AMPH: variants seen among roughly 807,000 people sequenced by gnomAD.
The protein encoded by AMPH is amphiphysin.
A neutral mutation model predicts 99.1 loss-of-function variants in AMPH; 49 were observed. That is an observed-to-expected ratio of 0.49 (90% CI 0.39 to 0.63). The LOEUF (loss-of-function observed/expected upper bound fraction) is 0.63, where lower values mean the gene tolerates loss of function less well. Ranked by LOEUF, AMPH falls within the 20% of genes least tolerant of loss-of-function variation. The pLI, the probability that AMPH is intolerant of heterozygous loss-of-function variation, is 0.00. For synonymous variants in AMPH, 314 were observed against 317.3 expected (o/e 0.99, Z 0.11); for missense variants, 759 against 863.4 (o/e 0.88, Z 1.52).
intron 7 of AMPH, among the ~76,000 whole-genome samples, chr7:38,473,789 T>C (rs1787982864): frequency 6.7e-6 from 1 of 149,032 alleles, no homozygotes; most frequent in Admixed American, 6.6e-5. Flanking sequence ...ATATCTGTAT[T>C]TTTTAAAAAA....
intron 17 of AMPH, among the ~76,000 whole-genome samples, chr7:38,406,848 G>T (rs2128982602): frequency 6.9e-6 from 1 of 144,446 alleles, no homozygotes; most frequent in Admixed American, 7.0e-5. Flanking sequence ...GTGGCCTCTT[G>T]GGGGTTCTCA....
intron 7 of AMPH, among the ~76,000 whole-genome samples, chr7:38,469,541 T>C (rs1416082915): frequency 2.6e-5 from 4 of 152,184 alleles, no homozygotes; most frequent in African/African-American, 7.2e-5. Context: ...CTTCACTTAC[T>C]ATGGAGATGG....
intron 11 of AMPH, among the ~76,000 whole-genome samples, chr7:38,444,955 T>TA (rs1397618837): frequency 6.7e-6 from 1 of 148,456 alleles, no homozygotes; most frequent in East Asian, 2.1e-4. Context: ...GATCAATGGA[T>TA]AATCACATGG....
In AMPH at chr7:38,426,822, G is replaced by A. The variant is rs149626741; in HGVS notation, c.1215+132C>T. 2.8e-4 allele frequency: 201 copies of A among 714,148 alleles called. No individual in the cohort carries two copies. In the African/African-American group the frequency reaches 3.2e-3, roughly 12 times the overall value. The allele number at this position is 714,148 out of a possible 1,614,324, so 44.2% of individuals were successfully genotyped here. A position where few individuals can be genotyped will look rare whatever the true frequency, so the allele number is the denominator to read the frequency against. On this transcript the variant is annotated intron_variant, in intron 15 of 20. Transcript: ENST00000356264. Reference sequence around the variant, plus strand: ...TCTGTTTCCATTACTCAGTCTGTAAGTAGTGGGGTCCAATTTTGTGCTGAT... The same window carrying A: ...TCTGTTTCCATTACTCAGTCTGTAAATAGTGGGGTCCAATTTTGTGCTGAT...
intron 2 of AMPH, among the ~76,000 whole-genome samples, chr7:38,534,085 T>A (rs973764502): frequency 6.6e-6 from 1 of 152,204 alleles, no homozygotes; most frequent in Admixed American, 6.5e-5. Flanking sequence ...GACTTTTTTT[T>A]CTGAATTACA....
intron 7 of AMPH, among the ~76,000 whole-genome samples, chr7:38,469,141 G>A (rs1272226825): frequency 2.2e-5 from 1 of 46,384 alleles, no homozygotes; most frequent in Non-Finnish European, 3.3e-5. Context: ...GCGACAGAGC[G>A]AGACTCCGCC....
chr7:38,406,540 C>G (rs112010486), intron 17 of AMPH, among the ~76,000 whole-genome samples: 46 of 152,106 alleles, frequency 3.0e-4, no homozygotes, highest in African/African-American at 1.0e-3. Flanking sequence ...AGTATTGTTT[C>G]TAGGTGTGTC....
At chr7:38,499,762 G>A (rs1464554949) in intron 3 of AMPH, among the ~76,000 whole-genome samples, 1 of 152,166 alleles carries the variant, frequency 6.6e-6, no homozygotes, top group African/African-American at 2.4e-5. Flanking sequence ...ATCTTGAACT[G>A]TAATAATCTC....
rs147290588 is a variant in AMPH at position 38,560,943 on chromosome 7, C to T, written c.70-25932G>A. Among the ~76,000 whole-genome samples the T allele has an allele frequency of 1.1e-3, 172 of 152,334 alleles. 4 individuals carry two copies. In the East Asian group the frequency reaches 0.03, roughly 26 times the overall value. On this transcript the variant is annotated intron_variant, in intron 1 of 20. Coordinates refer to ENST00000356264, the MANE Select transcript of AMPH (RefSeq NM_001635.4). ...GCTAAATGATATGTTATATTTATTA[C>T]TTGTTCTCTCAAACTTGGGCTATCA...
At chr7:38,499,863 G>A (rs940082210) in intron 3 of AMPH, among the ~76,000 whole-genome samples, 3 of 152,164 alleles carry the variant, frequency 2.0e-5, no homozygotes, top group African/African-American at 7.2e-5. Flanking sequence ...TAAGTCTCAT[G>A]AGATCTGATG....
intron 11 of AMPH, among the ~76,000 whole-genome samples, chr7:38,446,315 C>T (rs1002977672): frequency 1.3e-4 from 20 of 152,090 alleles, no homozygotes; most frequent in Non-Finnish European, 1.3e-4. Flanking sequence ...CCTAGGTATT[C>T]GCCCAAGAGA....
chr7:38,402,048 C>T (rs562650170), intron 17 of AMPH, among the ~76,000 whole-genome samples: 1 of 152,230 alleles, frequency 6.6e-6, no homozygotes, highest in Admixed American at 6.5e-5. Context: ...TAAATCGATT[C>T]TCTATAGTGT....
intron 1 of AMPH, among the ~76,000 whole-genome samples, chr7:38,536,128 G>A (rs766788919): frequency 5.3e-5 from 8 of 152,212 alleles, no homozygotes; most frequent in Non-Finnish European, 1.0e-4. Context: ...ATATTTTAGC[G>A]GAATAGACAA....
intron 13 of AMPH, among the ~76,000 whole-genome samples, chr7:38,431,852 T>G (rs1019639118): frequency 1.2e-4 from 18 of 152,154 alleles, no homozygotes; most frequent in African/African-American, 4.3e-4. Flanking sequence ...ATTCACACTT[T>G]CCTTGTCTTC....
Position 38,463,051 on chromosome 7 carries a change from G to A in AMPH, c.812C>T (p.Pro271Leu), listed in dbSNP as rs540619394. 11 of 1,611,852 alleles carry A rather than the reference G, an allele frequency of 6.8e-6. No homozygotes were observed. Among genetic ancestry groups the A allele is most frequent in the African/African-American group, 2.7e-5 (2 of 74,860 alleles). ...PSPPEEPSPLPSPTASPNHTL... is the reference protein window; with the variant it reads ...PSPPEEPSPLLSPTASPNHTL... ...ATGATTTGGACTTGCTGTCGGGCTCGGGAGGGGTGAAGGCTCCTCAGGCGG... is the reference window on the plus strand; with the variant it reads ...ATGATTTGGACTTGCTGTCGGGCTCAGGAGGGGTGAAGGCTCCTCAGGCGG... The change falls in exon 10 of 21, where the codon CCG (proline) becomes CTG (leucine). Residue 271 changes from proline (P) to leucine (L), a missense_variant. By Grantham distance (98) the Pro-to-Leu change is moderately conservative. Coordinates refer to ENST00000356264, the MANE Select transcript of AMPH (RefSeq NM_001635.4).
intron 11 of AMPH, among the ~76,000 whole-genome samples, 175 bp downstream of exon 11, chr7:38,461,108 C>T (rs992731578): frequency 1.3e-5 from 2 of 151,946 alleles, no homozygotes; most frequent in Non-Finnish European, 1.5e-5. Context: ...TTTCAAATAC[C>T]GTACATCTCC....
chr7:38,594,782 T>C (rs1051561061), intron 1 of AMPH, among the ~76,000 whole-genome samples: 1 of 152,170 alleles, frequency 6.6e-6, no homozygotes, highest in Non-Finnish European at 1.5e-5. Context: ...AAATTTCCCC[T>C]AAAGGAAGCA....
intron 1 of AMPH, among the ~76,000 whole-genome samples, chr7:38,538,432 T>C (rs1228521608): frequency 2.0e-5 from 3 of 151,986 alleles, no homozygotes; most frequent in Non-Finnish European, 4.4e-5. Flanking sequence ...GGGTGGGAGG[T>C]GTGGAACTGG....
chr7:38,418,011 A>G (rs1414425927), intron 16 of AMPH, 61 bp from the exon 17 acceptor site: 1 of 1,555,268 alleles, frequency 6.4e-7, no homozygotes, highest in East Asian at 2.3e-5. Flanking sequence ...AGATAACATT[A>G]CAGAATACTG....
Sources: gnomAD v4.1 joint callset for allele counts (sites outside exome capture counted in the v4.1 genomes callset) on GRCh38, gnomAD v4.1.1 for gene constraint, MANE v1.5 for transcripts, NCBI Gene and HGNC (gene_info 2026-07-23, HGNC 2026-07-21) for gene names.